SAXO1: variants seen among roughly 807,000 people sequenced by gnomAD.
SAXO1 encodes 4930500O09Rik.
In SAXO1, 21 loss-of-function variants were observed where a neutral mutation model predicts 17.5. The ratio of observed to expected loss-of-function variants is 1.20; its 90% CI spans 0.85 to 1.72. The LOEUF (loss-of-function observed/expected upper bound fraction) is 1.72. Among genes scored for constraint, SAXO1 ranks in the 40% most tolerant of loss-of-function variants. The pLI is 0.00. For missense variants in SAXO1, 843 were observed against 596.0 expected (o/e 1.41, Z -4.32); for synonymous variants, 274 against 216.5 (o/e 1.27, Z -2.33).
intron 3 of SAXO1, among the ~76,000 whole-genome samples, chr9:18,938,364 C>A (rs1316810662): frequency 6.6e-6 from 1 of 152,062 alleles, no homozygotes; most frequent in African/African-American, 2.4e-5. Flanking sequence ...GCATCTGTTT[C>A]TGGGGAGGCC....
Position 18,928,362 on chromosome 9 carries a change from G to A in SAXO1, c.1115C>T (p.Thr372Ile). 6.2e-7 allele frequency: 1 copy of A among 1,613,436 alleles called. No individual in the cohort carries two copies. ...DLPTEPLDCL[T>I]TTRAHYVPHL... ...GGGCACATAGTGGGCCCGAGTGGTG[G>A]TCAGGCAGTCCAGGGGCTCGGTGGG... Residue 372 changes from threonine (T) to isoleucine (I), a missense_variant, in exon 4 of 4, where the codon ACC becomes ATC. Thr to Ile is a moderately conservative substitution (Grantham distance 89). Coordinates refer to ENST00000380534, the MANE Select transcript of SAXO1 (RefSeq NM_153707.4).
intron 2 of SAXO1, among the ~76,000 whole-genome samples, chr9:18,944,544 G>A (rs1236958100): frequency 6.6e-6 from 1 of 152,196 alleles, no homozygotes; most frequent in Non-Finnish European, 1.5e-5. Context: ...CAGTCTCTGT[G>A]CACATGTGAC....
At chr9:19,021,254 G>A (rs1835221096) in intron 1 of SAXO1, among the ~76,000 whole-genome samples, 1 of 152,240 alleles carries the variant, frequency 6.6e-6, no homozygotes, top group Non-Finnish European at 1.5e-5. Flanking sequence ...GTGGTATGAA[G>A]CTAGGGCTGG....
chr9:18,927,944 G>C lies in SAXO1; in HGVS notation c.*108C>G. 1.5e-6 allele frequency: 2 copies of C among 1,311,934 alleles called. No individual in the cohort carries two copies. Among genetic ancestry groups the C allele is most frequent in the South Asian group, 1.7e-5 (1 of 59,596 alleles). 81.3% of individuals were successfully genotyped at this position (1,311,934 alleles called of 1,614,324 possible). On this transcript the variant is annotated 3_prime_UTR_variant, in exon 4 of 4. Transcript: ENST00000380534. The stretch of plus-strand genomic sequence containing the variant: ...GCTCTGGAAGTGGTGAAGGTTTTTT[G>C]TTTTTTGTTTTTTGTCATTTTAGGG...
chr9:18,993,207 C>T (rs1563967186), intron 1 of SAXO1, among the ~76,000 whole-genome samples: 1 of 151,846 alleles, frequency 6.6e-6, no homozygotes, highest in South Asian at 2.1e-4. Flanking sequence ...CACCTATCAA[C>T]ACGTCATCTA....
intron 2 of SAXO1, 95 bp from the exon 3 acceptor site, chr9:18,941,934 G>C (rs1332973466): frequency 8.3e-7 from 1 of 1,198,768 alleles, no homozygotes; most frequent in African/African-American, 1.5e-5. Flanking sequence ...TTGCTGAGAA[G>C]TCCTGTTCTA....
At chr9:18,952,621 C>A (rs1299611472) in intron 1 of SAXO1, among the ~76,000 whole-genome samples, 2 of 152,090 alleles carry the variant, frequency 1.3e-5, no homozygotes, top group Non-Finnish European at 2.9e-5. Context: ...GATTTGTTAT[C>A]AGAAATGCCT....
rs1249714209 is a variant in SAXO1, at chr9:19,031,354, A to G, written c.38+1517T>C. 3.3e-5 allele frequency among the ~76,000 whole-genome samples: 5 copies of G among 152,238 alleles called. 1 individual carries two copies. Among genetic ancestry groups the G allele is most frequent in the East Asian group, 3.8e-4 (2 of 5,200 alleles). Reference sequence around the variant, plus strand: ...AGGCAGGCGATCACCTGAGATCAGGAGTTCAAAACCAGCCTGGACAACATG... The same window carrying G: ...AGGCAGGCGATCACCTGAGATCAGGGGTTCAAAACCAGCCTGGACAACATG... On this transcript the variant is annotated intron_variant, in intron 1 of 3. Transcript: ENST00000380534.
At chr9:19,028,675 A>G (rs1835622613) in intron 1 of SAXO1, among the ~76,000 whole-genome samples, 1 of 152,216 alleles carries the variant, frequency 6.6e-6, no homozygotes, top group Non-Finnish European at 1.5e-5. Context: ...TTCCAATTGC[A>G]AGATTTTGAT....
chr9:18,935,656 C>T (rs1267902814), intron 3 of SAXO1, among the ~76,000 whole-genome samples: 1 of 152,172 alleles, frequency 6.6e-6, no homozygotes, highest in East Asian at 1.9e-4. Flanking sequence ...TTATCAAGAC[C>T]CACTGTGTCT....
Position 18,928,303 on chromosome 9 carries a change from G to C in SAXO1, c.1174C>G (p.His392Asp). The change falls in exon 4 of 4, where the codon CAT becomes GAT. Residue 392 changes from histidine (H) to aspartate (D), a missense_variant. Coordinates refer to ENST00000380534, the MANE Select transcript of SAXO1 (RefSeq NM_153707.4). ...ACATTTCCTCGAGGGCCAGACCAAT[G>C]AGGCTTACAGCTTTTGGTATTGATA... ...LPINTKSCKP[H>D]WSGPRGNVPV... 2 of 1,613,072 alleles carry C rather than the reference G, an allele frequency of 1.2e-6. No individual in the cohort carries two copies. Among genetic ancestry groups the C allele is most frequent in the Non-Finnish European group, 1.7e-6 (2 of 1,179,276 alleles).
rs555197042 is a variant in SAXO1 at position 18,969,952 on chromosome 9, T to G, written c.39-19015A>C. ...CTTTTGCTGACTTCTAAAAGGATGC[T>G]CTTTTCATTACATCTGATTCCTCTC... On this transcript the variant is annotated intron_variant, in intron 1 of 3. Coordinates refer to ENST00000380534, the MANE Select transcript of SAXO1 (RefSeq NM_153707.4). 7.2e-5 allele frequency among the ~76,000 whole-genome samples: 11 copies of G among 152,354 alleles called. No homozygotes were observed. The East Asian group carries it at 1.5e-3, about 21-fold the overall frequency.
rs965843657 is a variant in SAXO1 at position 19,049,084 on chromosome 9, C to A, written c.-158+125G>T. 6.5e-6 allele frequency: 1 copy of A among 152,724 alleles called. No homozygotes were observed. Among genetic ancestry groups the A allele is most frequent in the South Asian group, 2.0e-4 (1 of 4,890 alleles). 9.5% of individuals were successfully genotyped at this position (152,724 alleles called of 1,614,324 possible). On this transcript the variant is annotated intron_variant, in intron 1 of 3. Coordinates refer to the SAXO1 transcript ENST00000542071. This position sits in a 1 kb window ranked among gnomAD's most constrained non-coding sequence, Gnocchi z 5.4. Reference sequence around the variant, plus strand: ...TAGGCTTTCCCTCCACTTCACCAGTCGGCTGCCCCTGCGGAAACCGGCCCG... The same window carrying A: ...TAGGCTTTCCCTCCACTTCACCAGTAGGCTGCCCCTGCGGAAACCGGCCCG...
intron 1 of SAXO1, among the ~76,000 whole-genome samples, chr9:19,039,651 G>T (rs369351074): frequency 6.6e-6 from 1 of 152,322 alleles, no homozygotes; most frequent in South Asian, 2.1e-4. Flanking sequence ...ACCAAGTGCT[G>T]CATTTTAAGA....
intron 3 of SAXO1, among the ~76,000 whole-genome samples, chr9:18,931,537 T>A (rs1831050147): frequency 6.6e-6 from 1 of 152,208 alleles, no homozygotes; most frequent in Non-Finnish European, 1.5e-5. Flanking sequence ...AAAGTGAAAT[T>A]GCTAGGTTGT....
At chr9:19,020,470 G>A (rs1272724825) in intron 1 of SAXO1, among the ~76,000 whole-genome samples, 1 of 151,778 alleles carries the variant, frequency 6.6e-6, no homozygotes, top group Non-Finnish European at 1.5e-5. Flanking sequence ...TCCCACCTCA[G>A]CATCCCCAGC....
At chr9:19,004,000 G>C (rs923639919) in intron 1 of SAXO1, among the ~76,000 whole-genome samples, 2 of 152,008 alleles carry the variant, frequency 1.3e-5, no homozygotes, top group Non-Finnish European at 2.9e-5. Flanking sequence ...ATCTAACAAA[G>C]GACTTATATC....
intron 2 of SAXO1, among the ~76,000 whole-genome samples, chr9:18,943,904 G>A (rs1451897683): frequency 1.3e-5 from 2 of 152,194 alleles, no homozygotes; most frequent in Admixed American, 1.3e-4. Flanking sequence ...AGCCTCTTCT[G>A]CAGTTACTCT....
chr9:18,969,406 C>T (rs1832861733), intron 1 of SAXO1, among the ~76,000 whole-genome samples: 1 of 152,290 alleles, frequency 6.6e-6, no homozygotes, highest in Admixed American at 6.5e-5. Flanking sequence ...TGAAACCCAA[C>T]AGCTGTGCTA....
Sources: gnomAD v4.1 joint callset for allele counts (sites outside exome capture counted in the v4.1 genomes callset) on GRCh38, gnomAD v4.1.1 for gene constraint, Gnocchi (gnomAD v3.1) non-coding constraint, MANE v1.5 for transcripts, NCBI Gene and HGNC (gene_info 2026-07-23, HGNC 2026-07-21) for gene names.